SH3BGRL: variants seen among roughly 807,000 people sequenced by gnomAD.
SH3BGRL encodes the protein adapter SH3BGRL.
A neutral mutation model predicts 9.8 loss-of-function variants in SH3BGRL; 7 were observed. That is an observed-to-expected ratio of 0.72 (90% CI 0.41 to 1.35). SH3BGRL has a LOEUF of 1.35. SH3BGRL is among the 40% of genes most tolerant of loss of function. The pLI, the probability that SH3BGRL is intolerant of heterozygous loss-of-function variation, is 0.01. For synonymous variants in SH3BGRL, 36 were observed against 29.1 expected (o/e 1.24, Z -0.76); for missense variants, 73 against 84.4 (o/e 0.86, Z 0.53).
At chrX:81,271,927 G>T (rs1015991176) in intron 1 of SH3BGRL, among the ~76,000 whole-genome samples, 4 of 111,556 alleles carry the variant, frequency 3.6e-5, no homozygotes, top group African/African-American at 1.3e-4. Flanking sequence ...GGGCATGGTG[G>T]CTCATGCCTG....
chrX:81,291,309 G>A (rs749550388), intron 3 of SH3BGRL, among the ~76,000 whole-genome samples: 7 of 111,192 alleles, frequency 6.3e-5, no homozygotes, highest in Non-Finnish European at 9.4e-5. Flanking sequence ...GAGGCCTCGG[G>A]AAACTTACAA....
chrX:81,251,463 T>C (rs961208311), intron 1 of SH3BGRL, among the ~76,000 whole-genome samples: 1 of 110,573 alleles, frequency 9.0e-6, no homozygotes, highest in African/African-American at 3.3e-5. Flanking sequence ...TCCTCTTGTA[T>C]AATATGGTGG....
intron 1 of SH3BGRL, among the ~76,000 whole-genome samples, chrX:81,226,746 T>A (rs970151652): frequency 1.0e-4 from 11 of 108,858 alleles, no homozygotes; most frequent in Non-Finnish European, 1.9e-4. Flanking sequence ...AACAAGAGGT[T>A]GGAGTGATGT....
chrX:81,225,486 C>T lies in SH3BGRL; in HGVS notation c.45+23241C>T, dbSNP rs1236233747. ...CTATGTGTATTCTTTGTTTAGCTCT[C>T]ATGTATAAGTGGGAACATGCAGTAT... On this transcript the variant is annotated intron_variant, in intron 1 of 3. Coordinates refer to ENST00000373212, the MANE Select transcript of SH3BGRL (RefSeq NM_003022.3). Among the ~76,000 whole-genome samples, 3 of 110,977 alleles carry T rather than the reference C, an allele frequency of 2.7e-5. No homozygotes were observed. The East Asian group carries it at 8.5e-4, about 31-fold the overall frequency.
At chrX:81,218,721 G>GTA (rs1281785213) in intron 1 of SH3BGRL, among the ~76,000 whole-genome samples, 2 of 100,881 alleles carry the variant, frequency 2.0e-5, no homozygotes, top group African/African-American at 3.6e-5. Context: ...ATACAGATAT[G>GTA]TATATATATC....
intron 1 of SH3BGRL, among the ~76,000 whole-genome samples, chrX:81,211,731 TC>T (rs759629839): frequency 6.5e-4 from 73 of 111,745 alleles, no homozygotes; most frequent in Middle Eastern, 4.7e-3. Flanking sequence ...TACATGTTTC[TC>T]CCGTGCTGGA....
intron 1 of SH3BGRL, among the ~76,000 whole-genome samples, chrX:81,204,591 TA>T (rs369363488): frequency 7.4e-4 from 77 of 103,991 alleles, no homozygotes; most frequent in Admixed American, 1.7e-3. Flanking sequence ...TGGTTGTCAT[TA>T]AAAAAAAAAA....
intron 1 of SH3BGRL, among the ~76,000 whole-genome samples, chrX:81,265,913 C>G (rs1371154867): frequency 1.8e-5 from 2 of 108,304 alleles, no homozygotes; most frequent in Admixed American, 1.9e-4. Context: ...AACTGGCGAT[C>G]TCGTGGTTTT....
Position 81,237,741 on chromosome X carries a change from C to G in SH3BGRL, c.45+35496C>G, listed in dbSNP as rs142820135. On this transcript the variant is annotated intron_variant, in intron 1 of 3. Transcript: ENST00000373212. ...AGTAGACTGTGGGGCACATGAGCTACTAAGACAATAGCTGGGTTGGCTAAG... is the reference window on the plus strand; with the variant it reads ...AGTAGACTGTGGGGCACATGAGCTAGTAAGACAATAGCTGGGTTGGCTAAG... 3.7e-5 allele frequency among the ~76,000 whole-genome samples: 4 copies of G among 109,230 alleles called. No individual in the cohort carries two copies. In the East Asian group the frequency reaches 1.2e-3, roughly 32 times the overall value. The allele number at this position is 109,230 out of a possible 115,157, so 94.9% of individuals were successfully genotyped here.
chrX:81,228,670 G>A (rs1430577823), intron 1 of SH3BGRL, among the ~76,000 whole-genome samples: 1 of 111,662 alleles, frequency 9.0e-6, no homozygotes, highest in Non-Finnish European at 1.9e-5. Context: ...CCAAGAGGAG[G>A]GGTCCATTTA....
chrX:81,229,250 C>T (rs1443565386), intron 1 of SH3BGRL, among the ~76,000 whole-genome samples: 1 of 111,013 alleles, frequency 9.0e-6, no homozygotes, highest in African/African-American at 3.3e-5. Context: ...TGCATATGGG[C>T]AGGCTGTGGG....
At chrX:81,212,170 C>T (rs1167789561) in intron 1 of SH3BGRL, among the ~76,000 whole-genome samples, 2 of 109,365 alleles carry the variant, frequency 1.8e-5, no homozygotes, top group East Asian at 2.9e-4. Context: ...CAGCGGGGGA[C>T]GATCATTTGA....
intron 1 of SH3BGRL, among the ~76,000 whole-genome samples, chrX:81,209,930 CT>C (rs1479128137): frequency 8.9e-6 from 1 of 111,780 alleles, no homozygotes; most frequent in Non-Finnish European, 1.9e-5. Context: ...GACTGATTCT[CT>C]TGCATGTTAT....
At chrX:81,213,241 C>T (rs1452466470) in intron 1 of SH3BGRL, among the ~76,000 whole-genome samples, 2 of 111,271 alleles carry the variant, frequency 1.8e-5, no homozygotes, top group East Asian at 5.7e-4. Flanking sequence ...TGACTATCTC[C>T]CAGTGATTGA....
intron 3 of SH3BGRL, among the ~76,000 whole-genome samples, chrX:81,293,650 AACAG>A (rs1340723293): frequency 8.9e-6 from 1 of 112,264 alleles, no homozygotes; most frequent in Non-Finnish European, 1.9e-5. Context: ...ACCACGGCAC[AACAG>A]CCTGGGTGAT....
intron 3 of SH3BGRL, among the ~76,000 whole-genome samples, chrX:81,284,919 C>T (rs1372759): frequency 0.52 from 56,688 of 109,511 alleles, 11,832 homozygotes; most frequent in East Asian, 0.74. Flanking sequence ...TCCATCATTG[C>T]TTAAGCTCAG....
At chrX:81,215,574 T>C (rs964037787) in intron 1 of SH3BGRL, among the ~76,000 whole-genome samples, 2 of 111,129 alleles carry the variant, frequency 1.8e-5, no homozygotes, top group Non-Finnish European at 3.8e-5. Flanking sequence ...TTACATGGTC[T>C]GCAAATAAGA....
chrX:81,279,718 G>T (rs1420355221), intron 3 of SH3BGRL, among the ~76,000 whole-genome samples: 1 of 111,001 alleles, frequency 9.0e-6, no homozygotes, highest in Non-Finnish European at 1.9e-5. Flanking sequence ...TTTCTGCCTG[G>T]CACCATAGGG....
chrX:81,227,773 G>A (rs1161306822), intron 1 of SH3BGRL, among the ~76,000 whole-genome samples: 1 of 111,725 alleles, frequency 9.0e-6, no homozygotes, highest in African/African-American at 3.3e-5. Context: ...TAAGCCGAAT[G>A]TGCTGTTACA....
Sources: gnomAD v4.1 joint callset for allele counts (sites outside exome capture counted in the v4.1 genomes callset) on GRCh38, gnomAD v4.1.1 for gene constraint, MANE v1.5 for transcripts, NCBI Gene and HGNC (gene_info 2026-07-23, HGNC 2026-07-21) for gene names.